The following TMEM63B variants were observed in gnomAD, a reference collection of about 807,000 sequenced individuals.
The protein encoded by TMEM63B is mechanosensitive cation channel TMEM63B.
A neutral mutation model predicts 102.6 loss-of-function variants in TMEM63B; 23 were observed. The ratio of observed to expected loss-of-function variants is 0.22; its 90% CI spans 0.16 to 0.32. The LOEUF is 0.32. Among genes scored for constraint, TMEM63B ranks in the 10% least tolerant of loss-of-function variants. TMEM63B has a pLI of 1.00. For synonymous variants in TMEM63B, 444 were observed against 437.0 expected (o/e 1.02, Z -0.20); for missense variants, 628 against 1,095.9 (o/e 0.57, Z 6.03).
intron 3 of TMEM63B, 100 bp downstream of exon 3, chr6:44,135,196 TG>T (rs1562116705): frequency 6.4e-7 from 1 of 1,566,184 alleles, no homozygotes. Flanking sequence ...TCCCCTTTGC[TG>T]GGGGGATGAG....
intron 5 of TMEM63B, among the ~76,000 whole-genome samples, chr6:44,138,200 A>G (rs1582780721): frequency 1.6e-5 from 2 of 124,316 alleles, no homozygotes; most frequent in South Asian, 5.8e-4. Context: ...ACCCTGGCCC[A>G]CACAGCCACA....
intron 1 of TMEM63B, among the ~76,000 whole-genome samples, chr6:44,128,270 C>T (rs1777599643): frequency 6.6e-6 from 1 of 152,142 alleles, no homozygotes; most frequent in African/African-American, 2.4e-5. Context: ...GACTGGTCGG[C>T]GGGCTGGAGA....
chr6:44,133,045 C>T (rs1178021935), intron 1 of TMEM63B, among the ~76,000 whole-genome samples: 1 of 152,046 alleles, frequency 6.6e-6, no homozygotes, highest in Non-Finnish European at 1.5e-5. Context: ...TCAGGATCGT[C>T]GAGGATTAAA....
At chr6:44,146,543 CG>C (rs1269256868) in intron 10 of TMEM63B, among the ~76,000 whole-genome samples, 1 of 151,964 alleles carries the variant, frequency 6.6e-6, no homozygotes, top group Non-Finnish European at 1.5e-5. Context: ...CTCCACCTCC[CG>C]GGTTCGAGCA....
intron 18 of TMEM63B, among the ~76,000 whole-genome samples, chr6:44,151,243 T>A (rs1052116215): frequency 3.9e-5 from 6 of 152,182 alleles, no homozygotes; most frequent in African/African-American, 1.4e-4. Flanking sequence ...GAGTTCTGTA[T>A]GGGCATCTTC....
chr6:44,136,259 T>G, intron 4 of TMEM63B, 90 bp from the exon 5 acceptor site: 2 of 1,043,022 alleles, frequency 1.9e-6, no homozygotes, highest in Non-Finnish European at 3.0e-6. Context: ...CTGTGCCTTC[T>G]GTAGCCCTGG....
intron 10 of TMEM63B, among the ~76,000 whole-genome samples, chr6:44,143,656 A>G (rs1764762426): frequency 6.6e-6 from 1 of 152,202 alleles, no homozygotes; most frequent in Non-Finnish European, 1.5e-5. Flanking sequence ...GGGGTATAGC[A>G]GTAAACGACA....
Position 44,150,474 on chromosome 6 carries a change from C to G in TMEM63B, c.1608-90C>G. 1 of 1,529,144 alleles carries G rather than the reference C, an allele frequency of 6.5e-7. No homozygotes were observed. Among genetic ancestry groups the G allele is most frequent in the Non-Finnish European group, 9.0e-7 (1 of 1,105,478 alleles). The allele number at this position is 1,529,144 out of a possible 1,614,324, so 94.7% of individuals were successfully genotyped here. ...CTACCCACCCCATGTCTGGGAGTCT[C>G]CCCAGTGGCTCACAGAGGAGGGACT... On this transcript the variant is annotated intron_variant, in intron 17 of 23. Transcript: ENST00000323267. This position sits in a 1 kb window ranked among gnomAD's most constrained non-coding sequence, Gnocchi z 4.7.
upstream of TMEM63B, chr6:44,127,501 G>A (rs1777356114): frequency 1.3e-5 from 2 of 150,558 alleles, no homozygotes; most frequent in Admixed American, 6.6e-5. Context: ...GTGCGGGGCG[G>A]GACCTGCGGG....
rs138022059 is a variant in TMEM63B, at chr6:44,144,338, G to A, written c.783-2509G>A. On this transcript the variant is annotated intron_variant, in intron 10 of 23. Coordinates refer to ENST00000323267, the MANE Select transcript of TMEM63B (RefSeq NM_018426.3). ...GGAAATATCTTGCATGCAAATCAACGGGCCTGTGTGGTTGGATTTAGAGGA... is the reference window on the plus strand; with the variant it reads ...GGAAATATCTTGCATGCAAATCAACAGGCCTGTGTGGTTGGATTTAGAGGA... 3.2e-3 allele frequency among the ~76,000 whole-genome samples: 490 copies of A among 152,230 alleles called. 2 individuals are homozygous for A. Among genetic ancestry groups the A allele is most frequent in the African/African-American group, 0.011 (472 of 41,540 alleles).
In TMEM63B at chr6:44,151,873, C is replaced by A; in HGVS notation, c.1701C>A (p.Ala567=). Residue 567 remains alanine (A), a synonymous_variant, in exon 19 of 24, where the codon GCC becomes GCA. Coordinates refer to ENST00000323267, the MANE Select transcript of TMEM63B (RefSeq NM_018426.3). ...FECVFLPDNG[A]FFVNYVIASA... ...GTGTGTTCCTGCCCGACAACGGCGC[C>A]TTCTTCGTGAACTACGTCATTGCCT... 6.2e-7 allele frequency: 1 copy of A among 1,612,954 alleles called. No homozygotes were observed. The highest frequency in any genetic ancestry group is 8.5e-7 in the Non-Finnish European group (1 of 1,179,520).
Position 44,152,713 on chromosome 6 carries a change from G to A in TMEM63B, c.1942+15G>A, listed in dbSNP as rs1000962459. On this transcript the variant is annotated intron_variant, in intron 20 of 23. Coordinates refer to ENST00000323267, the MANE Select transcript of TMEM63B (RefSeq NM_018426.3). The surrounding 1 kb of genome is among the most constrained non-coding windows in gnomAD (Gnocchi z 6.4). ...CGTGCCCTTCGGTAGGCACCGCCGC[G>A]CCGGGACCTGGGCCCTGCTCGGGGG... 3.8e-6 allele frequency: 6 copies of A among 1,596,956 alleles called. No homozygotes were observed. Among genetic ancestry groups the A allele is most frequent in the Non-Finnish European group, 4.3e-6 (5 of 1,173,332 alleles).
intron 10 of TMEM63B, among the ~76,000 whole-genome samples, chr6:44,145,166 T>C (rs1765085978): frequency 6.7e-6 from 1 of 148,560 alleles, no homozygotes; most frequent in Admixed American, 6.8e-5. Flanking sequence ...TCCCAGCTAC[T>C]GGAGAGGCTG....
chr6:44,137,845 C>T (rs572101818), intron 5 of TMEM63B, among the ~76,000 whole-genome samples: 7 of 152,126 alleles, frequency 4.6e-5, no homozygotes, highest in African/African-American at 1.2e-4. Context: ...ATTACAGGCG[C>T]GCACCACCAC....
At chr6:44,134,832 C>A in intron 2 of TMEM63B, 89 bp downstream of exon 2, 2 of 1,488,786 alleles carry the variant, frequency 1.3e-6, no homozygotes, top group South Asian at 2.4e-5. Context: ...CTCCCACCTG[C>A]CCCGGTTTCC....
intron 10 of TMEM63B, 56 bp downstream of exon 10, chr6:44,141,154 C>A: frequency 6.5e-7 from 1 of 1,527,836 alleles, no homozygotes; most frequent in Admixed American, 1.7e-5. Flanking sequence ...CCTTCTCTGC[C>A]TTTGAACTCT....
intron 6 of TMEM63B, chr6:44,138,751 T>G: frequency 2.8e-6 from 1 of 354,180 alleles, no homozygotes; most frequent in Non-Finnish European, 5.3e-6. Context: ...CCCGCTTCTC[T>G]CCCTGCCCTG....
At chr6:44,127,491 G>GT (rs1278304698), upstream of TMEM63B, 1 of 151,216 alleles carries the variant, frequency 6.6e-6, no homozygotes, top group East Asian at 2.0e-4. Context: ...GTGCGCCGGC[G>GT]TGCGGGGCGG....
chr6:44,143,462 C>CT (rs397956430), intron 10 of TMEM63B, among the ~76,000 whole-genome samples: 27 of 149,892 alleles, frequency 1.8e-4, no homozygotes, highest in Non-Finnish European at 3.4e-4. Context: ...TTAGTGACAT[C>CT]TTTTTTTTTT....
Sources: gnomAD v4.1 joint callset for allele counts (sites outside exome capture counted in the v4.1 genomes callset) on GRCh38, gnomAD v4.1.1 for gene constraint, Gnocchi (gnomAD v3.1) non-coding constraint, MANE v1.5 for transcripts, NCBI Gene and HGNC (gene_info 2026-07-23, HGNC 2026-07-21) for gene names.